Variants in ANKRD36B observed in about 807,000 individuals in gnomAD.
ANKRD36B encodes the protein ankyrin repeat domain-containing protein 36B.
A neutral mutation model predicts 135.7 loss-of-function variants in ANKRD36B; 37 were observed. That is an observed-to-expected ratio of 0.27 (90% CI 0.21 to 0.36). ANKRD36B has a LOEUF of 0.36. Among genes scored for constraint, ANKRD36B ranks in the 10% least tolerant of loss-of-function variants. The pLI, the probability that ANKRD36B is intolerant of heterozygous loss-of-function variation, is 1.00. For synonymous variants in ANKRD36B, 179 were observed against 348.1 expected (o/e 0.51, Z 5.41); for missense variants, 549 against 1,037.1 (o/e 0.53, Z 6.46).
At chr2:97,550,997 G>T (rs980492932) in intron 18 of ANKRD36B, among the ~76,000 whole-genome samples, 2 of 151,838 alleles carry the variant, frequency 1.3e-5, no homozygotes, top group African/African-American at 4.8e-5. Flanking sequence ...TTAATGAAAA[G>T]ATGCTACAGA....
At chr2:97,553,019 T>C in intron 16 of ANKRD36B, 149 bp downstream of exon 16, 1 of 945,190 alleles carries the variant, frequency 1.1e-6, no homozygotes, top group East Asian at 2.7e-5. Context: ...CACCCAATAA[T>C]TTATTACAAA....
At chr2:97,550,693 C>G (rs548768617) in intron 18 of ANKRD36B, among the ~76,000 whole-genome samples, 107 of 151,678 alleles carry the variant, frequency 7.1e-4, no homozygotes, top group African/African-American at 1.7e-3. Context: ...GCTTCCAGCA[C>G]TTGCTGGAGT....
intron 10 of ANKRD36B, 126 bp downstream of exon 10, chr2:97,558,673 G>A (rs868084072): frequency 4.9e-6 from 5 of 1,028,808 alleles, no homozygotes; most frequent in Non-Finnish European, 1.5e-6. Context: ...CCTGAGAACT[G>A]AGGAATCTCA....
rs368727134 is a variant in ANKRD36B, at chr2:97,509,255, G to GA, written c.3873+325dup. Among the ~76,000 whole-genome samples, 329 of 49,144 alleles carry GA rather than the reference G, an allele frequency of 6.7e-3. 3 individuals carry two copies. The highest frequency in any genetic ancestry group is 0.017 in the Non-Finnish European group (276 of 16,150). 32.2% of individuals were successfully genotyped at this position (49,144 alleles called of 152,430 possible). On this transcript the variant is annotated intron_variant, in intron 40 of 43. Transcript: ENST00000359901. ...TCATTAAAAATAGACTGTTTAACAG[G>GA]AAAAAAAAACTCTCTCAACTTCTGT... is the stretch of plus-strand genomic sequence containing the variant.
In ANKRD36B at chr2:97,526,775, G is replaced by A. The variant is rs577946726; in HGVS notation, c.2266-3308C>T. On this transcript the variant is annotated intron_variant, in intron 35 of 43. Coordinates refer to ENST00000359901, the MANE Select transcript of ANKRD36B (RefSeq NM_001393939.1). Reference sequence around the variant, plus strand: ...GAAGAATGCAGAAGCCTCAGAGGCCGATGCGATCAACTGGAAGAAAGGGTA... The same window carrying A: ...GAAGAATGCAGAAGCCTCAGAGGCCAATGCGATCAACTGGAAGAAAGGGTA... Among the ~76,000 whole-genome samples, 16 of 97,286 alleles carry A rather than the reference G, an allele frequency of 1.6e-4. 1 individual carries two copies. The South Asian group carries it at 3.3e-3, about 20-fold the overall frequency. 63.8% of individuals were successfully genotyped at this position (97,286 alleles called of 152,430 possible).
chr2:97,586,534 G>A (rs1047605859), intron 1 of ANKRD36B, among the ~76,000 whole-genome samples: 6 of 152,118 alleles, frequency 3.9e-5, no homozygotes, highest in African/African-American at 1.4e-4. Flanking sequence ...GAGAGATGGT[G>A]GAATGTGTCT....
chr2:97,553,461 G>T (rs1252514494), intron 14 of ANKRD36B, 90 bp from the exon 15 acceptor site: 10 of 1,429,658 alleles, frequency 7.0e-6, no homozygotes, highest in Admixed American at 5.6e-5. Context: ...AGCTGTATCC[G>T]CCTGCCTGTA....
intron 6 of ANKRD36B, among the ~76,000 whole-genome samples, chr2:97,562,247 A>G (rs1449410223): frequency 6.6e-6 from 1 of 151,804 alleles, no homozygotes; most frequent in Non-Finnish European, 1.5e-5. Context: ...GACATAATAC[A>G]TATATATACA....
At chr2:97,558,568 A>G (rs986177569) in intron 10 of ANKRD36B, among the ~76,000 whole-genome samples, 1 of 151,902 alleles carries the variant, frequency 6.6e-6, no homozygotes, top group African/African-American at 2.4e-5. Flanking sequence ...TATGTCTTTA[A>G]TGGCTCTCCA....
intron 6 of ANKRD36B, among the ~76,000 whole-genome samples, chr2:97,570,664 T>C (rs1164774883): frequency 6.6e-6 from 1 of 152,188 alleles, no homozygotes; most frequent in African/African-American, 2.4e-5. Flanking sequence ...CAGCACATCC[T>C]GGTAACTCCA....
chr2:97,586,487 C>T (rs2083006162), intron 1 of ANKRD36B, among the ~76,000 whole-genome samples: 1 of 151,450 alleles, frequency 6.6e-6, no homozygotes, highest in East Asian at 1.9e-4. Flanking sequence ...TCAGGCTGGG[C>T]AGGTAAACAT....
At chr2:97,561,611 A>G (rs1312293798) in intron 6 of ANKRD36B, among the ~76,000 whole-genome samples, 2 of 151,940 alleles carry the variant, frequency 1.3e-5, no homozygotes, top group African/African-American at 2.4e-5. Context: ...CAAGCATTAG[A>G]TATGAATAAG....
intron 5 of ANKRD36B, among the ~76,000 whole-genome samples, chr2:97,576,952 T>C (rs1206852469): frequency 6.6e-6 from 1 of 152,046 alleles, no homozygotes; most frequent in Non-Finnish European, 1.5e-5. Flanking sequence ...TTTTCATAGG[T>C]TCTAATATTC....
intron 10 of ANKRD36B, among the ~76,000 whole-genome samples, chr2:97,557,443 A>T (rs2080633788): frequency 6.6e-6 from 1 of 151,814 alleles, no homozygotes. Context: ...ATCTAAAATC[A>T]GAGGAGCAAC....
At chr2:97,525,608 C>T (rs1190130609) in intron 35 of ANKRD36B, among the ~76,000 whole-genome samples, 1 of 96,572 alleles carries the variant, frequency 1.0e-5, no homozygotes, top group East Asian at 2.3e-4. Flanking sequence ...GGCATTGCCT[C>T]ACTCAGGAAG....
At chr2:97,563,075 G>A (rs563178908) in intron 6 of ANKRD36B, among the ~76,000 whole-genome samples, 1 of 151,994 alleles carries the variant, frequency 6.6e-6, no homozygotes, top group Non-Finnish European at 1.5e-5. Context: ...ACACTTTGTG[G>A]AGCTATTTTA....
chr2:97,580,246 G>A (rs973859026), intron 4 of ANKRD36B, among the ~76,000 whole-genome samples: 2 of 152,200 alleles, frequency 1.3e-5, no homozygotes, highest in Non-Finnish European at 2.9e-5. Context: ...TGTCTATAGA[G>A]AGAGATGAAT....
chr2:97,582,770 T>A (rs1269641919), intron 3 of ANKRD36B, among the ~76,000 whole-genome samples: 22 of 152,150 alleles, frequency 1.4e-4, no homozygotes, highest in Admixed American at 1.0e-3. Flanking sequence ...GTTTCAGATT[T>A]TTTTTCCAAA....
intron 35 of ANKRD36B, among the ~76,000 whole-genome samples, chr2:97,528,125 T>G (rs1278107314): frequency 2.1e-5 from 2 of 95,350 alleles, no homozygotes; most frequent in Admixed American, 9.3e-5. Context: ...ACACCACACC[T>G]ATTCCAAAAT....
Sources: gnomAD v4.1 joint callset for allele counts (sites outside exome capture counted in the v4.1 genomes callset) on GRCh38, gnomAD v4.1.1 for gene constraint, MANE v1.5 for transcripts, NCBI Gene and HGNC (gene_info 2026-07-23, HGNC 2026-07-21) for gene names.